Variants in MRPS6 observed in about 807,000 individuals in gnomAD.
The protein encoded by MRPS6 is small ribosomal subunit protein bS6m.
In MRPS6, 6 loss-of-function variants were observed where a neutral mutation model predicts 13.1. The observed-to-expected ratio is 0.46, with a 90% CI of 0.25 to 0.91. The LOEUF (loss-of-function observed/expected upper bound fraction) is 0.91. MRPS6 is among the 40% of genes least tolerant of loss of function. MRPS6 has a pLI of 0.18. For synonymous variants in MRPS6, 61 were observed against 56.5 expected (o/e 1.08, Z -0.36); for missense variants, 164 against 155.6 (o/e 1.05, Z -0.29).
intron 1 of MRPS6, 199 bp from the exon 2 acceptor site, chr21:34,125,142 G>T: frequency 1.2e-6 from 1 of 803,826 alleles, no homozygotes; most frequent in Non-Finnish European, 1.8e-6. Flanking sequence ...CCTCGTATCT[G>T]TGAGCTATCT....
rs7282300 is a variant in MRPS6, at chr21:34,108,373, G to T, written c.46-16968G>T. ...TTACAGTATTCCCTGCAGTAACTGC[G>T]TGGGTTTGTAGTCTAGGAACAGTAG... is the stretch of plus-strand genomic sequence containing the variant. On this transcript the variant is annotated intron_variant, in intron 1 of 2. Transcript: ENST00000399312. 3.3e-5 allele frequency among the ~76,000 whole-genome samples: 5 copies of T among 152,234 alleles called. No individual in the cohort carries two copies. The East Asian group carries it at 7.7e-4, about 23-fold the overall frequency.
intron 2 of MRPS6, among the ~76,000 whole-genome samples, chr21:34,139,806 G>C (rs945685268): frequency 2.6e-5 from 4 of 152,082 alleles, no homozygotes; most frequent in African/African-American, 9.7e-5. Flanking sequence ...TCAGACTCCT[G>C]GTGTCAACTG....
chr21:34,136,608 TC>T (rs1980714500), intron 2 of MRPS6, among the ~76,000 whole-genome samples: 1 of 152,240 alleles, frequency 6.6e-6, no homozygotes, highest in African/African-American at 2.4e-5. Context: ...TCGTATGTCT[TC>T]TGTGAAATGT....
chr21:34,101,155 T>C (rs1366246203), intron 1 of MRPS6: 1 of 999,996 alleles, frequency 1.0e-6, no homozygotes, highest in East Asian at 1.1e-4. Context: ...GTGAGATAAG[T>C]ACCTGGGTGA....
At chr21:34,095,790 A>G in intron 1 of MRPS6, 1 of 1,614,036 alleles carries the variant, frequency 6.2e-7, no homozygotes, top group Middle Eastern at 1.6e-4. Flanking sequence ...TGGGGCACTT[A>G]CACTTATGAT....
In MRPS6 at chr21:34,096,543, A is replaced by T. The variant is rs777690400; in HGVS notation, c.45+22798A>T. On this transcript the variant is annotated intron_variant, in intron 1 of 2. Coordinates refer to ENST00000399312, the MANE Select transcript of MRPS6 (RefSeq NM_032476.4). This position sits in a 1 kb window ranked among gnomAD's most constrained non-coding sequence, Gnocchi z 5.9. ...CATTCAGGAGGTAGCAGATTACCTG[A>T]CACCCCCAGTGGCAGCCTTGTTCCT... 9 of 1,613,970 alleles carry T rather than the reference A, an allele frequency of 5.6e-6. No homozygotes were observed. Among genetic ancestry groups the T allele is most frequent in the Non-Finnish European group, 7.6e-6 (9 of 1,179,994 alleles).
chr21:34,095,219 A>G, intron 1 of MRPS6: 2 of 1,612,454 alleles, frequency 1.2e-6, no homozygotes, highest in Non-Finnish European at 1.7e-6. Flanking sequence ...TACTGGACAC[A>G]GCAGACATTG....
At chr21:34,092,340 T>G (rs1040122200) in intron 1 of MRPS6, among the ~76,000 whole-genome samples, 13 of 130,324 alleles carry the variant, frequency 1.0e-4, no homozygotes, top group African/African-American at 3.9e-4. Context: ...GGTCTCTGCA[T>G]GTGTTTTGTT....
In MRPS6 at chr21:34,129,614, T is replaced by C. The variant is rs79808249; in HGVS notation, c.185+4134T>C. Among the ~76,000 whole-genome samples, 133 of 152,266 alleles carry C rather than the reference T, an allele frequency of 8.7e-4. 4 individuals carry two copies. The East Asian group carries it at 0.022, about 26-fold the overall frequency. On this transcript the variant is annotated intron_variant, in intron 2 of 2. Transcript: ENST00000399312. ...ATGATAAAAATAACCAGCTCCATGG[T>C]GAATCAGTGGAATTTTACTGACTCG...
chr21:34,077,122 T>G (rs561894009), intron 1 of MRPS6, among the ~76,000 whole-genome samples: 1 of 152,328 alleles, frequency 6.6e-6, no homozygotes, highest in South Asian at 2.1e-4. Context: ...GTGAGTGAGC[T>G]CTCTTGTGAG....
intron 2 of MRPS6, among the ~76,000 whole-genome samples, chr21:34,130,024 C>T (rs1453198391): frequency 1.3e-5 from 2 of 152,160 alleles, no homozygotes; most frequent in South Asian, 2.1e-4. Context: ...TTAACTGAGA[C>T]GGTCTAGGAA....
chr21:34,125,223 C>T (rs1195942287), intron 1 of MRPS6, 118 bp from the exon 2 acceptor site: 34 of 1,419,072 alleles, frequency 2.4e-5, no homozygotes, highest in South Asian at 8.2e-5. Context: ...TTGCTTTTAC[C>T]CAGCGATTCC....
chr21:34,095,516 A>G, intron 1 of MRPS6: 1 of 1,613,906 alleles, frequency 6.2e-7, no homozygotes, highest in Non-Finnish European at 8.5e-7. Flanking sequence ...GGTCAGGGGT[A>G]TATACCATGC....
intron 2 of MRPS6, among the ~76,000 whole-genome samples, chr21:34,127,365 T>A (rs1980345690): frequency 1.3e-5 from 2 of 152,138 alleles, no homozygotes; most frequent in Non-Finnish European, 2.9e-5. Flanking sequence ...GTAGAGATGC[T>A]CCATCAAAAA....
chr21:34,074,923 G>C (rs550209438), intron 1 of MRPS6, among the ~76,000 whole-genome samples: 1 of 152,330 alleles, frequency 6.6e-6, no homozygotes, highest in Admixed American at 6.5e-5. Flanking sequence ...AGGGACGCCA[G>C]TGCCTCTCTA....
chr21:34,113,294 T>G (rs1979776368), intron 1 of MRPS6, among the ~76,000 whole-genome samples: 1 of 152,210 alleles, frequency 6.6e-6, no homozygotes, highest in South Asian at 2.1e-4. Context: ...GTTGCAACAC[T>G]ATTCACAATA....
At chr21:34,135,827 AGT>A in intron 2 of MRPS6, 1 of 552,886 alleles carries the variant, frequency 1.8e-6, no homozygotes, top group South Asian at 1.8e-5. Context: ...ATTATCATGG[AGT>A]TAGTGAGGGA....
chr21:34,127,086 A>G (rs1041699501), intron 2 of MRPS6, among the ~76,000 whole-genome samples: 1 of 152,200 alleles, frequency 6.6e-6, no homozygotes, highest in Non-Finnish European at 1.5e-5. Flanking sequence ...GCAAAGGTGC[A>G]TGTGCCTCGC....
intron 1 of MRPS6, among the ~76,000 whole-genome samples, chr21:34,092,677 T>G (rs1049250030): frequency 6.6e-6 from 1 of 152,232 alleles, no homozygotes; most frequent in Admixed American, 6.5e-5. Context: ...TCCCAGTGAT[T>G]GAGGAAGTGC....
Sources: allele counts gnomAD v4.1 joint callset (sites outside exome capture counted in the v4.1 genomes callset), GRCh38; gene constraint gnomAD v4.1.1; non-coding constraint Gnocchi (gnomAD v3.1); transcripts MANE v1.5; gene names NCBI Gene and HGNC (gene_info 2026-07-23, HGNC 2026-07-21).